The following INO80 variants were observed in gnomAD, a reference collection of about 807,000 sequenced individuals.
The protein encoded by INO80 is chromatin-remodeling ATPase INO80.
A neutral mutation model predicts 203.4 loss-of-function variants in INO80; 20 were observed. That is an observed-to-expected ratio of 0.10 (90% CI 0.07 to 0.14). INO80 has a LOEUF of 0.14. INO80 is among the 10% of genes least tolerant of loss of function. INO80 has a pLI of 1.00. For synonymous variants in INO80, 726 were observed against 685.2 expected, an observed-to-expected ratio of 1.06 and a Z score of -0.93; for missense variants, 1,419 against 1,914.4, an observed-to-expected ratio of 0.74 and a Z score of 4.83.
Position 40,980,175 on chromosome 15 carries a change from A to T in INO80, c.*48T>A. Reference sequence around the variant, plus strand: ...GCCATCCAAAGACCACTGGCAGGTCAGGACTCTAGCCCTGGTTTGGTTGAA... The same window carrying T: ...GCCATCCAAAGACCACTGGCAGGTCTGGACTCTAGCCCTGGTTTGGTTGAA... On this transcript the variant is annotated 3_prime_UTR_variant, in exon 36 of 36. Transcript: ENST00000648947. The T allele has an allele frequency of 1.3e-6, 2 of 1,483,552 alleles. No homozygotes were observed. Among genetic ancestry groups the T allele is most frequent in the Non-Finnish European group, 1.9e-6 (2 of 1,063,192 alleles). The allele number at this position is 1,483,552 out of a possible 1,614,324, so 91.9% of individuals were successfully genotyped here.
intron 24 of INO80, among the ~76,000 whole-genome samples, chr15:41,040,550 G>A (rs1007192538): frequency 1.3e-5 from 2 of 152,176 alleles, no homozygotes; most frequent in African/African-American, 4.8e-5. Flanking sequence ...TCTTCAACAG[G>A]ACACAAAAAT....
intron 23 of INO80, among the ~76,000 whole-genome samples, chr15:41,047,038 G>T (rs2044780100): frequency 6.6e-6 from 1 of 150,382 alleles, no homozygotes; most frequent in Non-Finnish European, 1.5e-5. Flanking sequence ...CATGATCTCA[G>T]CTCACGGCAA....
At chr15:41,047,098 G>C (rs2044781464) in intron 23 of INO80, among the ~76,000 whole-genome samples, 1 of 151,942 alleles carries the variant, frequency 6.6e-6, no homozygotes, top group Non-Finnish European at 1.5e-5. Flanking sequence ...CTCCCAAGTA[G>C]CTGGAATTAC....
intron 27 of INO80, among the ~76,000 whole-genome samples, chr15:41,008,224 T>TACACACACACACACACACACACAC (rs71104765): frequency 1.3e-5 from 2 of 148,824 alleles, no homozygotes; most frequent in African/African-American, 5.0e-5. Context: ...TATATATACA[T>TACACACACACACACACACACACAC]ACACACACAC....
At chr15:41,019,902 G>T (rs570980034) in intron 26 of INO80, among the ~76,000 whole-genome samples, 3 of 152,318 alleles carry the variant, frequency 2.0e-5, no homozygotes, top group African/African-American at 7.2e-5. Flanking sequence ...CTTAGCTCTA[G>T]TTTATTTCCA....
chr15:41,072,129 A>G (rs2045330873), intron 11 of INO80, 71 bp from the exon 12 acceptor site: 1 of 1,032,712 alleles, frequency 9.7e-7, no homozygotes, highest in African/African-American at 1.6e-5. Flanking sequence ...ATAAGACTCA[A>G]GATAACAATA....
chr15:41,043,943 A>G (rs551527973), intron 24 of INO80, among the ~76,000 whole-genome samples: 1 of 152,220 alleles, frequency 6.6e-6, no homozygotes, highest in Non-Finnish European at 1.5e-5. Context: ...ATATAATTCA[A>G]GATCACGAGA....
intron 25 of INO80, among the ~76,000 whole-genome samples, chr15:41,025,782 C>T (rs1467067749): frequency 6.6e-6 from 1 of 152,166 alleles, no homozygotes; most frequent in African/African-American, 2.4e-5. Flanking sequence ...GTTAAAAAGA[C>T]TTGATGTGCC....
At chr15:41,090,360 G>T (rs2045616964) in intron 5 of INO80, among the ~76,000 whole-genome samples, 2 of 152,238 alleles carry the variant, frequency 1.3e-5, no homozygotes, top group Admixed American at 1.3e-4. Flanking sequence ...AGGATCACCT[G>T]AGGTCAGGAG....
At position 41,104,126 on chromosome 15, in the gene INO80, C is replaced by A. The variant is rs909459809; in HGVS notation, c.-43-7773G>T. ...ATCCCAGCTACTTGGGAGGCTGAGG[C>A]AGCAGCATCACTTGAACCCAGGAGG... On this transcript the variant is annotated intron_variant, in intron 1 of 35. Transcript: ENST00000648947. Among the ~76,000 whole-genome samples the A allele has an allele frequency of 9.0e-5, 13 of 144,426 alleles. No homozygotes were observed. In the South Asian group the frequency reaches 1.7e-3, roughly 19 times the overall value. 94.7% of individuals were successfully genotyped at this position (144,426 alleles called of 152,430 possible).
chr15:41,023,076 G>T (rs1296107763), intron 25 of INO80: 1 of 351,920 alleles, frequency 2.8e-6, no homozygotes, highest in East Asian at 7.6e-5. Context: ...ACTCCAGCCT[G>T]GGCAACAGGG....
chr15:41,106,380 T>C (rs1596331402), intron 1 of INO80, among the ~76,000 whole-genome samples: 1 of 100,554 alleles, frequency 9.9e-6, no homozygotes, highest in African/African-American at 3.6e-5. Context: ...CCAGACCCTG[T>C]CTCAAAAAAA....
intron 14 of INO80, among the ~76,000 whole-genome samples, chr15:41,068,217 T>G (rs2045254296): frequency 6.8e-6 from 1 of 147,364 alleles, no homozygotes; most frequent in Non-Finnish European, 1.5e-5. Context: ...AGGCCAGGAG[T>G]TCAAGACCAG....
At chr15:41,044,469 TA>T (rs1237207742) in intron 24 of INO80, among the ~76,000 whole-genome samples, 4 of 152,192 alleles carry the variant, frequency 2.6e-5, no homozygotes, top group African/African-American at 9.7e-5. Flanking sequence ...TCCATTTATA[TA>T]AAGTTCACAA....
chr15:41,047,600 C>G, intron 22 of INO80, 99 bp from the exon 23 acceptor site: 1 of 803,702 alleles, frequency 1.2e-6, no homozygotes, highest in Non-Finnish European at 2.0e-6. Context: ...AGAACAAAAA[C>G]ACTATTCTAA....
intron 10 of INO80, among the ~76,000 whole-genome samples, chr15:41,074,131 C>T (rs2045365657): frequency 6.6e-6 from 1 of 152,130 alleles, no homozygotes; most frequent in African/African-American, 2.4e-5. Context: ...CAAATCACAA[C>T]AAAAATATTC....
At chr15:40,995,499 G>C (rs1457733895) in intron 29 of INO80, among the ~76,000 whole-genome samples, 1 of 152,164 alleles carries the variant, frequency 6.6e-6, no homozygotes, top group Non-Finnish European at 1.5e-5. Context: ...CAAATGAAGA[G>C]CCTTATACTT....
At chr15:41,103,412 CAG>C (rs774437364) in intron 1 of INO80, among the ~76,000 whole-genome samples, 3 of 152,064 alleles carry the variant, frequency 2.0e-5, no homozygotes, top group Non-Finnish European at 4.4e-5. Context: ...TTTTTTGAGA[CAG>C]AGTCTCGCTT....
At chr15:41,002,875 C>A (rs929319339) in intron 28 of INO80, among the ~76,000 whole-genome samples, 1 of 152,082 alleles carries the variant, frequency 6.6e-6, no homozygotes, top group African/African-American at 2.4e-5. Flanking sequence ...GAGGCCGAGG[C>A]GGGTGGATCA....
Sources: gnomAD v4.1 joint callset for allele counts (sites outside exome capture counted in the v4.1 genomes callset) on GRCh38, gnomAD v4.1.1 for gene constraint, MANE v1.5 for transcripts, NCBI Gene and HGNC (gene_info 2026-07-23, HGNC 2026-07-21) for gene names.